CEP63: variants seen among roughly 807,000 people sequenced by gnomAD.
The protein encoded by CEP63 is centrosomal protein of 63 kDa.
Under a neutral mutation model 89.1 loss-of-function variants are expected in CEP63, and 84 were observed. The observed-to-expected ratio is 0.94, with a 90% confidence interval of 0.79 to 1.13. The LOEUF (loss-of-function observed/expected upper bound fraction) is 1.13. Among genes scored for constraint, CEP63 ranks in the 50% most tolerant of loss-of-function variants. The pLI, the probability that CEP63 is intolerant of heterozygous loss-of-function variation, is 0.00. For missense variants in CEP63, 838 were observed against 813.3 expected (o/e 1.03, Z -0.37); for synonymous variants, 267 against 272.5 (o/e 0.98, Z 0.20).
the CEP63 span, among the ~76,000 whole-genome samples, chr3:134,671,220 G>C: frequency 6.6e-6 from 1 of 152,112 alleles, no homozygotes; most frequent in Non-Finnish European, 1.5e-5. Flanking sequence ...TATCCTACGC[G>C]ATCTAACTCA....
intron 2 of CEP63, among the ~76,000 whole-genome samples, chr3:134,506,560 G>A (rs1326876955): frequency 6.6e-6 from 1 of 152,104 alleles, no homozygotes; most frequent in Non-Finnish European, 1.5e-5. Flanking sequence ...TGGGCTTTAG[G>A]TTGGCTATGA....
the CEP63 span, among the ~76,000 whole-genome samples, chr3:134,710,222 G>A: frequency 6.6e-6 from 1 of 152,200 alleles, no homozygotes; most frequent in Non-Finnish European, 1.5e-5. Context: ...CGGGTCGGCT[G>A]CTGGAGGTGT....
Position 134,561,384 on chromosome 3 carries a change from T to C in CEP63, c.1961T>C (p.Leu654Ser). Reference protein sequence around the residue: ...DQEEFISSCSLPVSPLGSIAT... With the variant: ...DQEEFISSCSSPVSPLGSIAT... ...AATTTGTGTCTCTTCCAGTGTTCCT[T>C]GCCTGTATCTCCCCTTGGTTCAATA... Residue 654 changes from leucine (L) to serine (S), a missense_variant, in exon 15 of 15, where the codon TTG becomes TCG. Leu to Ser is a moderately radical substitution (Grantham distance 145). Transcript: ENST00000675561. The C allele has an allele frequency of 6.2e-7, 1 of 1,613,872 alleles. No individual in the cohort carries two copies. Among genetic ancestry groups the C allele is most frequent in the Non-Finnish European group, 8.5e-7 (1 of 1,179,774 alleles).
At chr3:134,640,002 T>G in the CEP63 span, 1 of 145,242 alleles carries the variant, frequency 6.9e-6, no homozygotes, top group African/African-American at 2.7e-5. Context: ...TTGCAGGGGC[T>G]CCTTGTGATT....
the CEP63 span, among the ~76,000 whole-genome samples, chr3:134,735,694 G>C: frequency 2.0e-5 from 3 of 152,044 alleles, no homozygotes; most frequent in African/African-American, 7.2e-5. Flanking sequence ...GATTACAAAT[G>C]CATTTTAGCA....
chr3:134,681,974 C>T, the CEP63 span, among the ~76,000 whole-genome samples: 15,735 of 152,238 alleles, frequency 0.1, 2,645 homozygotes, highest in African/African-American at 0.36. Context: ...TCTAGTTACA[C>T]TCTGCAAGCC....
the CEP63 span, chr3:134,604,592 T>G: frequency 1.6e-5 from 13 of 826,716 alleles, no homozygotes; most frequent in Non-Finnish European, 2.3e-5. Context: ...GCTTGTCTAT[T>G]TCCACGGTGT....
the CEP63 span, among the ~76,000 whole-genome samples, chr3:134,759,776 A>AAAG: frequency 6.6e-6 from 1 of 152,212 alleles, no homozygotes; most frequent in East Asian, 1.9e-4. Flanking sequence ...TGTAATCTTA[A>AAAG]AAGAAGAAGA....
intron 3 of CEP63, among the ~76,000 whole-genome samples, chr3:134,525,600 G>C (rs915571496): frequency 6.6e-6 from 1 of 152,166 alleles, no homozygotes; most frequent in Non-Finnish European, 1.5e-5. Context: ...AGTTTTTTGT[G>C]TGGTTGCTTT....
chr3:134,727,425 C>G, the CEP63 span, among the ~76,000 whole-genome samples: 2 of 152,230 alleles, frequency 1.3e-5, no homozygotes, highest in Admixed American at 1.3e-4. Context: ...ATTCCCTTTT[C>G]ATCCAGATCT....
the CEP63 span, among the ~76,000 whole-genome samples, chr3:134,730,121 G>A: frequency 6.6e-6 from 1 of 152,106 alleles, no homozygotes; most frequent in Non-Finnish European, 1.5e-5. Flanking sequence ...CATAGGGTAG[G>A]GTCAAATAAA....
chr3:134,572,174 G>A (rs1310690134), intron 11 of CEP63, among the ~76,000 whole-genome samples: 3 of 152,312 alleles, frequency 2.0e-5, no homozygotes, highest in South Asian at 2.1e-4. Context: ...GGTTCCCTGC[G>A]AACATTCACT....
chr3:134,694,343 T>G, the CEP63 span, among the ~76,000 whole-genome samples: 1 of 152,342 alleles, frequency 6.6e-6, no homozygotes, highest in East Asian at 1.9e-4. Context: ...CTCATCTGGC[T>G]GCAGAAGATG....
the CEP63 span, among the ~76,000 whole-genome samples, chr3:134,686,484 C>A: frequency 6.6e-6 from 1 of 152,196 alleles, no homozygotes; most frequent in Non-Finnish European, 1.5e-5. Context: ...TAGCCAGGGG[C>A]AGTAGCCAGG....
chr3:134,701,310 A>ATGTGTG, the CEP63 span, among the ~76,000 whole-genome samples: 22 of 18,568 alleles, frequency 1.2e-3, 1 homozygote, highest in African/African-American at 3.1e-3. Context: ...ATATACGTAT[A>ATGTGTG]TATGTGTATA....
intron 10 of CEP63, among the ~76,000 whole-genome samples, chr3:134,583,282 A>G (rs990048147): frequency 7.2e-5 from 11 of 152,176 alleles, no homozygotes; most frequent in African/African-American, 2.7e-4. Flanking sequence ...GGTATTGCCT[A>G]AGTTTTCTTC....
At chr3:134,713,568 T>C in the CEP63 span, among the ~76,000 whole-genome samples, 152,258 of 152,292 alleles carry the variant, frequency 1, 76,112 homozygotes, top group Non-Finnish European at 1. Context: ...ATCATGGAAC[T>C]TCTTATGAAC....
chr3:134,554,950 ATTTG>A (rs1955826449), intron 12 of CEP63, among the ~76,000 whole-genome samples: 2 of 151,966 alleles, frequency 1.3e-5, no homozygotes, highest in African/African-American at 4.8e-5. Flanking sequence ...TTTCTTGTAA[ATTTG>A]TTTGAGTTCA....
chr3:134,744,965 A>G, the CEP63 span, among the ~76,000 whole-genome samples: 1 of 152,240 alleles, frequency 6.6e-6, no homozygotes, highest in Non-Finnish European at 1.5e-5. Context: ...GCATACTTTT[A>G]AGCATATAAT....
Sources: allele counts gnomAD v4.1 joint callset (sites outside exome capture counted in the v4.1 genomes callset), GRCh38; gene constraint gnomAD v4.1.1; transcripts MANE v1.5; gene names NCBI Gene and HGNC (gene_info 2026-07-23, HGNC 2026-07-21).